The following PCDH15 variants were observed in gnomAD, a reference collection of about 807,000 sequenced individuals.
The protein encoded by PCDH15 is protocadherin related 15, also known as protocadherin-15.
Under a neutral mutation model 178.5 loss-of-function variants are expected in PCDH15, and 129 were observed. The observed-to-expected ratio is 0.72, with a 90% CI of 0.63 to 0.84. The LOEUF (loss-of-function observed/expected upper bound fraction) is 0.84. PCDH15 is among the 40% of genes least tolerant of loss of function. PCDH15 has a pLI of 0.00. For missense variants in PCDH15, 2,230 were observed against 2,099.9 expected, an observed-to-expected ratio of 1.06 and a Z score of -1.21; for synonymous variants, 800 against 732.0, an observed-to-expected ratio of 1.09 and a Z score of -1.50.
At chr10:54,616,399 G>T (rs2093156096) in intron 2 of PCDH15, among the ~76,000 whole-genome samples, 1 of 151,984 alleles carries the variant, frequency 6.6e-6, no homozygotes, top group African/African-American at 2.4e-5. Context: ...TCATAGAACT[G>T]CTTCTTTGGA....
At chr10:54,309,201 C>CT (rs2060741242) in intron 8 of PCDH15, among the ~76,000 whole-genome samples, 1 of 151,850 alleles carries the variant, frequency 6.6e-6, no homozygotes, top group Non-Finnish European at 1.5e-5. Flanking sequence ...TAACCTGGGA[C>CT]TTTCTATGGC....
chr10:55,299,285 A>G (rs954516740), intron 1 of PCDH15, among the ~76,000 whole-genome samples: 14 of 152,298 alleles, frequency 9.2e-5, no homozygotes, highest in Non-Finnish European at 1.5e-4. Context: ...CATTAAAATG[A>G]CCATTCAAAG....
At chr10:54,773,819 A>G (rs1442695385) in intron 1 of PCDH15, among the ~76,000 whole-genome samples, 1 of 152,072 alleles carries the variant, frequency 6.6e-6, no homozygotes, top group Non-Finnish European at 1.5e-5. Context: ...ATATCATTCA[A>G]TGCTGCAAAA....
intron 4 of PCDH15, among the ~76,000 whole-genome samples, chr10:54,370,306 A>G (rs1430304922): frequency 1.3e-5 from 2 of 151,908 alleles, no homozygotes; most frequent in Non-Finnish European, 2.9e-5. Flanking sequence ...CCTCCATCTT[A>G]AAAACCTTGT....
chr10:55,119,875 A>T (rs1837722115), intron 2 of PCDH15, among the ~76,000 whole-genome samples: 1 of 152,186 alleles, frequency 6.6e-6, no homozygotes, highest in East Asian at 1.9e-4. Context: ...GAGACTTAGT[A>T]TATATGTGTG....
At chr10:54,382,793 A>G (rs115587868) in intron 3 of PCDH15, among the ~76,000 whole-genome samples, 3,493 of 152,266 alleles carry the variant, frequency 0.023, 116 homozygotes, top group African/African-American at 0.076. Context: ...GTACCTGGCT[A>G]TGCTGTGTCT....
intron 1 of PCDH15, among the ~76,000 whole-genome samples, chr10:54,797,184 T>C (rs944246587): frequency 1.8e-4 from 27 of 152,032 alleles, no homozygotes; most frequent in Admixed American, 4.6e-4. Flanking sequence ...ACATCTGCCA[T>C]GGCCTGAGAA....
At chr10:53,959,305 C>T (rs906898318) in intron 23 of PCDH15, among the ~76,000 whole-genome samples, 1 of 150,794 alleles carries the variant, frequency 6.6e-6, no homozygotes, top group Non-Finnish European at 1.5e-5. Context: ...TATTTACACA[C>T]ACAAACGTAC....
intron 3 of PCDH15, among the ~76,000 whole-genome samples, chr10:54,828,628 A>G (rs1259384395): frequency 1.3e-5 from 2 of 151,982 alleles, no homozygotes. Flanking sequence ...CATACATTCA[A>G]TTATTTCATT....
At chr10:53,860,303 C>T (rs2079018325) in intron 27 of PCDH15, among the ~76,000 whole-genome samples, 1 of 152,288 alleles carries the variant, frequency 6.6e-6, no homozygotes, top group East Asian at 1.9e-4. Context: ...ATTTCTCAGC[C>T]TTCTTTGTAG....
At chr10:54,069,864 G>T (rs2094206488) in intron 17 of PCDH15, among the ~76,000 whole-genome samples, 1 of 151,996 alleles carries the variant, frequency 6.6e-6, no homozygotes, top group Admixed American at 6.6e-5. Flanking sequence ...TTAATTGTTA[G>T]GACCATATGT....
At chr10:54,057,064 C>T (rs933679053) in intron 18 of PCDH15, among the ~76,000 whole-genome samples, 1 of 152,192 alleles carries the variant, frequency 6.6e-6, no homozygotes, top group African/African-American at 2.4e-5. Context: ...CAGCTCCACC[C>T]CTGTGACTTT....
chr10:54,095,548 A>C (rs999025017), intron 15 of PCDH15, among the ~76,000 whole-genome samples: 1 of 152,172 alleles, frequency 6.6e-6, no homozygotes, highest in African/African-American at 2.4e-5. Context: ...AACTGCACAC[A>C]GGAGAGCCAT....
chr10:55,168,437 G>A (rs1839250609), intron 1 of PCDH15, among the ~76,000 whole-genome samples: 1 of 152,162 alleles, frequency 6.6e-6, no homozygotes, highest in South Asian at 2.1e-4. Context: ...CACAATAGGA[G>A]GAAAGTTTAT....
chr10:54,662,972 G>A (rs540570712), intron 2 of PCDH15, among the ~76,000 whole-genome samples: 1 of 151,890 alleles, frequency 6.6e-6, no homozygotes, highest in Non-Finnish European at 1.5e-5. Context: ...AAATATCAAA[G>A]ATGTGAAGTT....
chr10:54,234,196 T>C (rs1487177581), intron 9 of PCDH15, among the ~76,000 whole-genome samples: 1 of 150,802 alleles, frequency 6.6e-6, no homozygotes, highest in East Asian at 2.0e-4. Context: ...GTTTTTGTTT[T>C]TGTGTTTCCA....
intron 2 of PCDH15, among the ~76,000 whole-genome samples, chr10:55,525,050 T>G (rs1841272810): frequency 6.6e-6 from 1 of 151,782 alleles, no homozygotes. Context: ...TCCATTGCTT[T>G]AAAATTACTT....
At chr10:53,943,520 A>G (rs998655266) in intron 23 of PCDH15, among the ~76,000 whole-genome samples, 1 of 151,874 alleles carries the variant, frequency 6.6e-6, no homozygotes, top group African/African-American at 2.4e-5. Flanking sequence ...CAAAACAGAA[A>G]AGAAAAATGC....
chr10:54,225,533 A>G (rs1468388220), intron 9 of PCDH15, among the ~76,000 whole-genome samples: 2 of 152,144 alleles, frequency 1.3e-5, no homozygotes, highest in African/African-American at 4.8e-5. Flanking sequence ...TACTTGTACC[A>G]CGGTGATAGC....
Sources: gnomAD v4.1 joint callset for allele counts (sites outside exome capture counted in the v4.1 genomes callset) on GRCh38, gnomAD v4.1.1 for gene constraint, MANE v1.5 for transcripts, NCBI Gene and HGNC (gene_info 2026-07-23, HGNC 2026-07-21) for gene names.